CLSTN2: variants seen among roughly 807,000 people sequenced by gnomAD.
The protein encoded by CLSTN2 is calsyntenin-2.
In CLSTN2, 48 loss-of-function variants were observed where a neutral mutation model predicts 101.2. The ratio of observed to expected loss-of-function variants is 0.47; its 90% CI spans 0.38 to 0.60. The LOEUF (loss-of-function observed/expected upper bound fraction) is 0.60, where lower values mean the gene tolerates loss of function less well. CLSTN2 is among the 20% of genes least tolerant of loss of function. CLSTN2 has a pLI of 0.00. For missense variants in CLSTN2, 1,160 were observed against 1,238.2 expected, an observed-to-expected ratio of 0.94 and a Z score of 0.95; for synonymous variants, 481 against 463.6, an observed-to-expected ratio of 1.04 and a Z score of -0.48.
chr3:140,306,684 A>T (rs2087117227), intron 2 of CLSTN2, among the ~76,000 whole-genome samples: 1 of 152,054 alleles, frequency 6.6e-6, no homozygotes, highest in South Asian at 2.1e-4. Flanking sequence ...TGTGTTCTGG[A>T]CACAGAACCC....
chr3:140,025,603 T>G (rs1023893046), intron 1 of CLSTN2, among the ~76,000 whole-genome samples: 1 of 151,762 alleles, frequency 6.6e-6, no homozygotes, highest in African/African-American at 2.4e-5. Context: ...GAGGAGGGAG[T>G]TAAAATGTTC....
At chr3:140,556,358 A>C (rs902519667) in intron 10 of CLSTN2, among the ~76,000 whole-genome samples, 155 bp from the exon 11 acceptor site, 11 of 152,170 alleles carry the variant, frequency 7.2e-5, no homozygotes, top group African/African-American at 2.7e-4. Flanking sequence ...TTGAGAGTTT[A>C]AACACTATCA....
chr3:140,174,481 AT>A (rs2010290568), intron 1 of CLSTN2, among the ~76,000 whole-genome samples: 1 of 152,088 alleles, frequency 6.6e-6, no homozygotes, highest in South Asian at 2.1e-4. Context: ...TCACTTCCAC[AT>A]TTTTGGGTAT....
intron 5 of CLSTN2, among the ~76,000 whole-genome samples, chr3:140,427,235 A>ATG (rs2088581361): frequency 7.4e-6 from 1 of 134,622 alleles, no homozygotes; most frequent in African/African-American, 3.3e-5. Flanking sequence ...GTGTGTATAT[A>ATG]TATATATATA....
chr3:140,345,263 T>G (rs2087534300), intron 2 of CLSTN2, among the ~76,000 whole-genome samples: 1 of 150,896 alleles, frequency 6.6e-6, no homozygotes, highest in Non-Finnish European at 1.5e-5. Context: ...CTTTTTTTTT[T>G]TTGAGACAGA....
At chr3:140,010,326 A>G (rs1221606384) in intron 1 of CLSTN2, among the ~76,000 whole-genome samples, 1 of 152,148 alleles carries the variant, frequency 6.6e-6, no homozygotes, top group Non-Finnish European at 1.5e-5. Context: ...AGATGAGAAA[A>G]TATTGACTCA....
chr3:140,398,075 A>G (rs2088203175), intron 2 of CLSTN2, among the ~76,000 whole-genome samples: 1 of 144,036 alleles, frequency 6.9e-6, no homozygotes, highest in African/African-American at 2.5e-5. Flanking sequence ...TACTTCCAAA[A>G]ACATCTGCCA....
At chr3:140,088,727 G>A (rs145484233) in intron 1 of CLSTN2, among the ~76,000 whole-genome samples, 23 of 152,270 alleles carry the variant, frequency 1.5e-4, no homozygotes, top group Non-Finnish European at 2.2e-4. Context: ...TCTGCACAAC[G>A]GATGTGGTGA....
chr3:140,081,696 C>T (rs1286306015), intron 1 of CLSTN2, among the ~76,000 whole-genome samples: 3 of 150,784 alleles, frequency 2.0e-5, no homozygotes, highest in Non-Finnish European at 2.9e-5. Context: ...ATCATGATAT[C>T]ATACCACCCC....
chr3:140,418,458 G>T (rs1288553381), intron 4 of CLSTN2, among the ~76,000 whole-genome samples: 5 of 151,092 alleles, frequency 3.3e-5, no homozygotes, highest in Non-Finnish European at 5.9e-5. Context: ...GTTAGAAGTA[G>T]TCCAGAGAAG....
intron 9 of CLSTN2, among the ~76,000 whole-genome samples, chr3:140,533,789 C>T (rs1309402857): frequency 6.6e-6 from 1 of 151,670 alleles, no homozygotes; most frequent in East Asian, 1.9e-4. Flanking sequence ...GACACATGCC[C>T]CTGTAGGTTG....
intron 2 of CLSTN2, among the ~76,000 whole-genome samples, chr3:140,345,242 A>AG (rs1214195155): frequency 6.8e-6 from 1 of 146,284 alleles, no homozygotes; most frequent in Non-Finnish European, 1.5e-5. Context: ...GAGTGGATAT[A>AG]GCCTTTTTTT....
intron 1 of CLSTN2, among the ~76,000 whole-genome samples, chr3:140,060,374 C>T (rs920303039): frequency 3.3e-5 from 5 of 152,152 alleles, no homozygotes; most frequent in Non-Finnish European, 5.9e-5. Context: ...ATAGCTGCCT[C>T]ACTGCCAACT....
intron 1 of CLSTN2, among the ~76,000 whole-genome samples, chr3:140,171,726 A>T (rs1472188758): frequency 9.1e-6 from 1 of 109,772 alleles, no homozygotes; most frequent in Non-Finnish European, 1.7e-5. Flanking sequence ...ATTATATATT[A>T]TATATAATAT....
intron 1 of CLSTN2, among the ~76,000 whole-genome samples, chr3:140,101,323 G>A (rs2008961570): frequency 6.6e-6 from 1 of 152,278 alleles, no homozygotes; most frequent in Non-Finnish European, 1.5e-5. Context: ...AGCAGTAATA[G>A]TAATATTCAT....
chr3:140,562,425 T>C (rs768758684), intron 13 of CLSTN2, 117 bp downstream of exon 13: 4 of 975,432 alleles, frequency 4.1e-6, no homozygotes, highest in Non-Finnish European at 5.9e-6. Context: ...CAGGGACCAG[T>C]TGGAGATCCT....
At chr3:140,074,974 C>T (rs143250088) in intron 1 of CLSTN2, among the ~76,000 whole-genome samples, 9 of 152,266 alleles carry the variant, frequency 5.9e-5, no homozygotes, top group African/African-American at 2.2e-4. Context: ...TTGTCTCTCC[C>T]CTGCATTTTC....
At position 140,573,027 on chromosome 3, in the gene CLSTN2, G is replaced by A. The variant is rs1985607752; in HGVS notation, c.*6774G>A. 6.6e-6 allele frequency: 1 copy of A among 152,304 alleles called. No individual in the cohort carries two copies. The highest frequency in any genetic ancestry group is 2.1e-4 in the South Asian group (1 of 4,828). 9.4% of individuals were successfully genotyped at this position (152,304 alleles called of 1,614,324 possible). On this transcript the variant is annotated 3_prime_UTR_variant, in exon 17 of 17. Coordinates refer to ENST00000458420, the MANE Select transcript of CLSTN2 (RefSeq NM_022131.3). The stretch of plus-strand genomic sequence containing the variant: ...CTATCCTAGAGAGAGAGACTGCCCA[G>A]GAGAGGCTGCCATGAGGTCACTCAT...
At chr3:140,154,915 T>A (rs1206022838) in intron 1 of CLSTN2, among the ~76,000 whole-genome samples, 1 of 152,046 alleles carries the variant, frequency 6.6e-6, no homozygotes. Flanking sequence ...AGTACCACAC[T>A]TTTAAACCAT....
Sources: gnomAD v4.1 joint callset for allele counts (sites outside exome capture counted in the v4.1 genomes callset) on GRCh38, gnomAD v4.1.1 for gene constraint, MANE v1.5 for transcripts, NCBI Gene and HGNC (gene_info 2026-07-23, HGNC 2026-07-21) for gene names.